Variants in COPG1 observed in about 807,000 individuals in gnomAD.
COPG1 encodes the protein coat protein complex I subunit gamma 1, also known as coatomer subunit gamma-1.
COPG1 carries 29 observed loss-of-function variants against 102.8 expected under a neutral mutation model. The ratio of observed to expected loss-of-function variants is 0.28; its 90% CI spans 0.21 to 0.38. COPG1 has a LOEUF of 0.38. Among genes scored for constraint, COPG1 ranks in the 10% least tolerant of loss-of-function variants. The pLI, the probability that COPG1 is intolerant of heterozygous loss-of-function variation, is 1.00. For synonymous variants in COPG1, 406 were observed against 421.6 expected, an observed-to-expected ratio of 0.96 and a Z score of 0.45; for missense variants, 875 against 1,132.7, an observed-to-expected ratio of 0.77 and a Z score of 3.27.
Position 129,267,042 on chromosome 3 carries a change from C to T in COPG1, c.1487C>T (p.Ala496Val), listed in dbSNP as rs1363161589. The part of the protein sequence containing the change: ...EVRAGAVSAL[A>V]KFGAQNEEML... ...AACACAGGTGCTGTGAGTGCTCTGGCGAAGTTTGGAGCCCAGAATGAAGAG... is the reference window on the plus strand; with the variant it reads ...AACACAGGTGCTGTGAGTGCTCTGGTGAAGTTTGGAGCCCAGAATGAAGAG... Residue 496 changes from alanine to valine, a missense_variant, in exon 15 of 24, where the codon GCG becomes GTG. Ala to Val is a moderately conservative substitution (Grantham distance 64, BLOSUM62 0). Transcript: ENST00000314797. 6 of 1,613,576 alleles carry T rather than the reference C, an allele frequency of 3.7e-6. No individual in the cohort carries two copies. The highest frequency in any genetic ancestry group is 2.7e-5 in the African/African-American group (2 of 74,976).
intron 2 of COPG1, 138 bp from the exon 3 acceptor site, chr3:129,252,143 T>C (rs1939712642): frequency 3.2e-6 from 2 of 629,106 alleles, no homozygotes; most frequent in South Asian, 1.9e-5. Flanking sequence ...ACCCTTTCCT[T>C]ATGAAAATAA....
In COPG1 at chr3:129,275,359, C is replaced by A; in HGVS notation, c.2494+67C>A. The A allele has an allele frequency of 3.3e-6, 4 of 1,199,732 alleles. No individual in the cohort carries two copies. Among genetic ancestry groups the A allele is most frequent in the Non-Finnish European group, 4.9e-6 (4 of 810,826 alleles). 74.3% of individuals were successfully genotyped at this position (1,199,732 alleles called of 1,614,324 possible). A position where few individuals can be genotyped will look rare whatever the true frequency, so the allele number is the denominator to read the frequency against. ...AGCCTGGATGCCACTGGATCCTGGG[C>A]TAAGGACTCCACTGTAAATATGGGG... On this transcript the variant is annotated intron_variant, in intron 23 of 23. Transcript: ENST00000314797. The surrounding 1 kb of genome is among the most constrained non-coding windows in gnomAD (Gnocchi z 5.0).
rs1209707853 is a variant in COPG1, at chr3:129,254,495, T to G, written c.324-173T>G. 7.2e-6 allele frequency: 4 copies of G among 559,244 alleles called. No homozygotes were observed. The East Asian group carries it at 9.1e-5, about 13-fold the overall frequency. The allele number at this position is 559,244 out of a possible 1,614,324, so 34.6% of individuals were successfully genotyped here. A position where few individuals can be genotyped will look rare whatever the true frequency, so the allele number is the denominator to read the frequency against. ...GGGATGACCTGTTTGGTTTTGAGTC[T>G]TATGAAACTCCCTCCAGCAGCTGTG... On this transcript the variant is annotated intron_variant, in intron 5 of 23. Coordinates refer to ENST00000314797, the MANE Select transcript of COPG1 (RefSeq NM_016128.4).
chr3:129,250,017 G>T (rs1014810063), intron 1 of COPG1, among the ~76,000 whole-genome samples: 1 of 152,074 alleles, frequency 6.6e-6, no homozygotes, highest in Non-Finnish European at 1.5e-5. Context: ...CAAAGGAGGG[G>T]ACCATGCCGA....
intron 21 of COPG1, chr3:129,274,156 T>G: frequency 2.2e-6 from 1 of 454,228 alleles, no homozygotes; most frequent in South Asian, 1.6e-5. Flanking sequence ...TTGAGAGAGC[T>G]GGGTCTGTTT....
rs768271150 is a variant in COPG1 at position 129,257,593 on chromosome 3, G to A, written c.703G>A (p.Val235Met). 3 of 1,614,186 alleles carry A rather than the reference G, an allele frequency of 1.9e-6. No individual in the cohort carries two copies. Among genetic ancestry groups the A allele is most frequent in the Non-Finnish European group, 2.5e-6 (3 of 1,180,034 alleles). The change falls in exon 9 of 24, where the codon GTG (valine) becomes ATG (methionine). Residue 235 changes from valine to methionine, a missense_variant. Physicochemically the swap from Val to Met is conservative, Grantham distance 21. Transcript: ENST00000314797. ...CTTTGCCTACTGCATGATGATCCGGGTGGCCAGCAAGCAGCTGGAAGAGGA... is the reference window on the plus strand; with the variant it reads ...CTTTGCCTACTGCATGATGATCCGGATGGCCAGCAAGCAGCTGGAAGAGGA... ...SPFAYCMMIR[V>M]ASKQLEEEDG...
In COPG1 at chr3:129,249,644, GCACCGCTACTC is replaced by G; in HGVS notation, c.-64_-54del. On this transcript the variant is annotated 5_prime_UTR_variant, in exon 1 of 24. Coordinates refer to ENST00000314797, the MANE Select transcript of COPG1 (RefSeq NM_016128.4). ...AAGTGGTCCCTGTAGAACCACTGTG[GCACCGCTACTC>G]CGTGCCGCGCCCGTCGAGCATTGCG... The G allele has an allele frequency of 6.5e-7, 1 of 1,537,116 alleles. No individual in the cohort carries two copies. The highest frequency in any genetic ancestry group is 8.8e-7 in the Non-Finnish European group (1 of 1,135,988).
Position 129,272,072 on chromosome 3 carries a change from C to A in COPG1, c.1986+163C>A, listed in dbSNP as rs111508112. ...GGTCGGTCTCTCATATCTCTTGACTCGGGACATCCATGGCTCCCGATTGTC... is the reference window on the plus strand; with the variant it reads ...GGTCGGTCTCTCATATCTCTTGACTAGGGACATCCATGGCTCCCGATTGTC... On this transcript the variant is annotated intron_variant, in intron 19 of 23. Coordinates refer to ENST00000314797, the MANE Select transcript of COPG1 (RefSeq NM_016128.4). The A allele has an allele frequency of 6.0e-6, 6 of 1,006,640 alleles. No individual in the cohort carries two copies. In the East Asian group the frequency reaches 1.0e-4, roughly 17 times the overall value. 62.4% of individuals were successfully genotyped at this position (1,006,640 alleles called of 1,614,324 possible).
chr3:129,275,255 G>A lies in COPG1; in HGVS notation c.2457G>A (p.Val819=). 1 of 1,614,182 alleles carries A rather than the reference G, an allele frequency of 6.2e-7. No homozygotes were observed. Among genetic ancestry groups the A allele is most frequent in the Non-Finnish European group, 8.5e-7 (1 of 1,180,024 alleles). The change falls in exon 23 of 24, where the codon GTG becomes GTA. Residue 819 remains valine (V), a synonymous_variant. Coordinates refer to ENST00000314797, the MANE Select transcript of COPG1 (RefSeq NM_016128.4). This position sits in a 1 kb window ranked among gnomAD's most constrained non-coding sequence, Gnocchi z 5.0. ...ACCCTTGTGAGAGGTCAGACAAAGT[G>A]CCGGATAACAAGAACACCCACACGT... ...GMHPCERSDK[V]PDNKNTHTLL...
rs1399777491 is a variant in COPG1 at position 129,277,364 on chromosome 3, G to T, written c.2565G>T (p.Gln855His). The T allele has an allele frequency of 3.1e-6, 5 of 1,614,044 alleles. No homozygotes were observed. The highest frequency in any genetic ancestry group is 4.2e-6 in the Non-Finnish European group (5 of 1,180,006). The change falls in exon 24 of 24, where the codon CAG becomes CAT. Residue 855 changes from glutamine to histidine, a missense_variant. Transcript: ENST00000314797. ...TGCTTTTGGACACAGTGACAATGCAGGTGACAGCCAGAAGTTTGGAGGAGC... is the reference window on the plus strand; with the variant it reads ...TGCTTTTGGACACAGTGACAATGCATGTGACAGCCAGAAGTTTGGAGGAGC... The part of the protein sequence containing the change: ...RLLLLDTVTM[Q>H]VTARSLEELP...
chr3:129,269,124 C>T, intron 18 of COPG1, 124 bp downstream of exon 18: 1 of 797,148 alleles, frequency 1.3e-6, no homozygotes, highest in Non-Finnish European at 2.1e-6. Context: ...TTTAGACCTA[C>T]TATCACATTT....
intron 21 of COPG1, 139 bp from the exon 22 acceptor site, chr3:129,274,699 G>A: frequency 1.1e-6 from 1 of 948,734 alleles, no homozygotes; most frequent in Admixed American, 2.5e-5. Flanking sequence ...GTTGCTCTAT[G>A]TCCCCAGAGT....
chr3:129,262,066 G>A (rs762709472), intron 12 of COPG1, among the ~76,000 whole-genome samples: 9 of 152,168 alleles, frequency 5.9e-5, no homozygotes, highest in Admixed American at 2.0e-4. Flanking sequence ...TACTCTGCCT[G>A]TGGGTTACAA....
chr3:129,250,573 T>G lies in COPG1; in HGVS notation c.38-109T>G, dbSNP rs1056112842. ...GGCTTGATTGCCATTCCTGAGGAGT[T>G]TGAACTTTACTAGATTTCCTAGGAA... On this transcript the variant is annotated intron_variant, in intron 1 of 23. Transcript: ENST00000314797. 4 of 873,380 alleles carry G rather than the reference T, an allele frequency of 4.6e-6. No individual in the cohort carries two copies. In the Admixed American group the frequency reaches 8.2e-5, roughly 18 times the overall value. 54.1% of individuals were successfully genotyped at this position (873,380 alleles called of 1,614,324 possible).
intron 12 of COPG1, among the ~76,000 whole-genome samples, chr3:129,263,144 T>C (rs904136077): frequency 1.3e-5 from 2 of 151,860 alleles, no homozygotes; most frequent in African/African-American, 2.4e-5. Flanking sequence ...GGTGGGACAG[T>C]GCAAGAGCTT....
chr3:129,254,827 T>C, intron 6 of COPG1, 84 bp downstream of exon 6: 2 of 1,340,212 alleles, frequency 1.5e-6, no homozygotes, highest in East Asian at 2.3e-5. Context: ...GGGTGTCCCC[T>C]ATCACTGAGC....
intron 10 of COPG1, among the ~76,000 whole-genome samples, chr3:129,258,981 G>T (rs1161828668): frequency 6.6e-6 from 1 of 152,188 alleles, no homozygotes; most frequent in African/African-American, 2.4e-5. Flanking sequence ...GAGAAGAGGG[G>T]AGTGTTTTAG....
chr3:129,274,760 AG>A, intron 21 of COPG1, 77 bp from the exon 22 acceptor site: 1 of 1,500,558 alleles, frequency 6.7e-7, no homozygotes, highest in Non-Finnish European at 9.2e-7. Flanking sequence ...AGTTGCAGGA[AG>A]GGATGTGTGG....
chr3:129,256,027 A>T (rs1048974251), intron 7 of COPG1, 41 bp from the exon 8 acceptor site: 1 of 1,568,382 alleles, frequency 6.4e-7, no homozygotes, highest in Non-Finnish European at 8.8e-7. Flanking sequence ...TGTGATGGGG[A>T]CACTTCCTAC....
Sources: allele counts gnomAD v4.1 joint callset (sites outside exome capture counted in the v4.1 genomes callset), GRCh38; gene constraint gnomAD v4.1.1; non-coding constraint Gnocchi (gnomAD v3.1); transcripts MANE v1.5; gene names NCBI Gene and HGNC (gene_info 2026-07-23, HGNC 2026-07-21).